Variants in HEG1 observed in about 807,000 individuals in gnomAD.
The protein encoded by HEG1 is protein HEG homolog 1.
HEG1 carries 56 observed loss-of-function variants against 125.6 expected under a neutral mutation model. The ratio of observed to expected loss-of-function variants is 0.45; its 90% confidence interval spans 0.36 to 0.56. HEG1 has a LOEUF of 0.56. Among genes scored for constraint, HEG1 ranks in the 20% least tolerant of loss-of-function variants. HEG1 has a pLI of 0.00. For missense variants in HEG1, 1,523 were observed against 1,670.0 expected (o/e 0.91, Z 1.53); for synonymous variants, 644 against 668.5 (o/e 0.96, Z 0.57).
intron 8 of HEG1, among the ~76,000 whole-genome samples, chr3:125,006,179 G>T (rs576648806): frequency 4.6e-5 from 7 of 152,194 alleles, no homozygotes; most frequent in African/African-American, 1.7e-4. Context: ...TGGGGCTGCC[G>T]ACTCCATGAT....
intron 9 of HEG1, among the ~76,000 whole-genome samples, chr3:125,004,903 A>G (rs1022568137): frequency 6.6e-6 from 1 of 152,180 alleles, no homozygotes; most frequent in African/African-American, 2.4e-5. Context: ...GGAAAGTCAC[A>G]CAGCCTGTTA....
chr3:125,009,519 A>G (rs890953279), intron 8 of HEG1, 186 bp downstream of exon 8: 5 of 468,782 alleles, frequency 1.1e-5, no homozygotes, highest in Non-Finnish European at 1.5e-5. Context: ...CAAAAACATA[A>G]TGCAAAGTAG....
At chr3:125,033,781 G>A (rs185078670) in intron 1 of HEG1, among the ~76,000 whole-genome samples, 4 of 152,318 alleles carry the variant, frequency 2.6e-5, no homozygotes, top group South Asian at 4.1e-4. Flanking sequence ...AGCAGTGGGC[G>A]AGCGAGCATT....
chr3:125,032,373 C>T (rs1937510190), intron 1 of HEG1, among the ~76,000 whole-genome samples: 2 of 152,224 alleles, frequency 1.3e-5, no homozygotes, highest in Non-Finnish European at 2.9e-5. Flanking sequence ...GTTTTTATGC[C>T]TCCTGTTCTG....
chr3:125,048,628 C>T (rs1359034241), intron 1 of HEG1, among the ~76,000 whole-genome samples: 1 of 152,180 alleles, frequency 6.6e-6, no homozygotes, highest in Non-Finnish European at 1.5e-5. Flanking sequence ...ATCCTGCAGG[C>T]CTCATATTCC....
chr3:125,030,344 A>G (rs774612109), intron 1 of HEG1, among the ~76,000 whole-genome samples: 1 of 152,232 alleles, frequency 6.6e-6, no homozygotes, highest in Non-Finnish European at 1.5e-5. Flanking sequence ...TCCAAATTGA[A>G]TTTATCTGAA....
intron 1 of HEG1, among the ~76,000 whole-genome samples, chr3:125,050,783 T>C (rs950862262): frequency 6.6e-6 from 1 of 152,216 alleles, no homozygotes; most frequent in Non-Finnish European, 1.5e-5. Context: ...TAAATATATC[T>C]TGATTTACAA....
Position 125,005,185 on chromosome 3 carries a change from C to G in HEG1, c.3297+80G>C, listed in dbSNP as rs561719572. The G allele has an allele frequency of 4.3e-4, 350 of 814,206 alleles. 1 individual carries two copies. Among genetic ancestry groups the G allele is most frequent in the Non-Finnish European group, 6.1e-4 (303 of 494,620 alleles). The allele number at this position is 814,206 out of a possible 1,614,324, so 50.4% of individuals were successfully genotyped here. A position where few individuals can be genotyped will look rare whatever the true frequency, so the allele number is the denominator to read the frequency against. On this transcript the variant is annotated intron_variant, in intron 9 of 16. Coordinates refer to ENST00000311127, the MANE Select transcript of HEG1 (RefSeq NM_020733.2). ...GAAGAGCCCAGGAGACACAGCTGAC[C>G]GCTAGGCAGTCCCCTCTTGGAATAA...
intron 3 of HEG1, among the ~76,000 whole-genome samples, chr3:125,026,278 G>T (rs1007376568): frequency 2.0e-5 from 3 of 152,182 alleles, no homozygotes; most frequent in Admixed American, 6.5e-5. Context: ...GCTGCACCTT[G>T]TTCTTGGGCG....
chr3:125,041,799 A>G (rs1361675081), intron 1 of HEG1, among the ~76,000 whole-genome samples: 1 of 152,254 alleles, frequency 6.6e-6, no homozygotes, highest in Non-Finnish European at 1.5e-5. Context: ...ACATGCTACA[A>G]CATGGGTAAA....
chr3:125,031,468 C>T (rs1937497124), intron 1 of HEG1, among the ~76,000 whole-genome samples: 1 of 152,184 alleles, frequency 6.6e-6, no homozygotes, highest in Non-Finnish European at 1.5e-5. Context: ...CCTGATAAAA[C>T]CATTTAATTT....
chr3:124,970,746 G>C lies in HEG1; in HGVS notation c.4052C>G (p.Thr1351Ser), dbSNP rs990138256. The change falls in exon 17 of 17, where the codon ACT becomes AGT. Residue 1351 changes from threonine to serine, a missense_variant. By Grantham distance (58) the Thr-to-Ser change is moderately conservative. Transcript: ENST00000311127. Reference sequence around the variant, plus strand: ...AGAATGCCGTGATCCTGGCAGTCCAGTGTAGGCCGGGTAGAGTCCGTTTCG... The same window carrying C: ...AGAATGCCGTGATCCTGGCAGTCCACTGTAGGCCGGGTAGAGTCCGTTTCG... ...LERNGLYPAYTGLPGSRHSCI... is the reference protein window; with the variant it reads ...LERNGLYPAYSGLPGSRHSCI... The C allele has an allele frequency of 3.1e-6, 5 of 1,610,592 alleles. No individual in the cohort carries two copies. The highest frequency in any genetic ancestry group is 3.4e-6 in the Non-Finnish European group (4 of 1,178,570).
At chr3:125,001,742 A>G in intron 11 of HEG1, 110 bp downstream of exon 11, 1 of 1,187,394 alleles carries the variant, frequency 8.4e-7, no homozygotes, top group South Asian at 1.5e-5. Flanking sequence ...TGCCAAAAAT[A>G]GGCTCTGTGA....
chr3:124,997,639 A>G (rs759313557), intron 12 of HEG1, 50 bp downstream of exon 12: 2 of 1,492,414 alleles, frequency 1.3e-6, no homozygotes, highest in East Asian at 2.3e-5. Flanking sequence ...ACAGAGCACC[A>G]GGCAGAGTCC....
At chr3:124,978,065 C>T (rs893682347) in intron 14 of HEG1, 119 bp from the exon 15 acceptor site, 131 of 626,816 alleles carry the variant, frequency 2.1e-4, no homozygotes, top group Non-Finnish European at 3.2e-4. Flanking sequence ...GGTGCCCTCG[C>T]CTACAACTTC....
At chr3:124,976,499 T>A (rs79190743) in intron 15 of HEG1, among the ~76,000 whole-genome samples, 3 of 62,600 alleles carry the variant, frequency 4.8e-5, no homozygotes, top group African/African-American at 3.1e-4. Flanking sequence ...TATTTTCTAT[T>A]TTTTTTTTTT....
At chr3:125,032,214 G>C (rs1247727882) in intron 1 of HEG1, among the ~76,000 whole-genome samples, 1 of 152,184 alleles carries the variant, frequency 6.6e-6, no homozygotes, top group Non-Finnish European at 1.5e-5. Flanking sequence ...CAATGGTTCT[G>C]AACATTTCTC....
intron 1 of HEG1, 48 bp downstream of exon 1, chr3:125,055,527 G>A (rs994258411): frequency 1.8e-6 from 2 of 1,138,318 alleles, no homozygotes; most frequent in African/African-American, 1.6e-5. Context: ...GCGCGCCCAC[G>A]CCCCCAGCAC....
chr3:125,030,602 T>C (rs994874418), intron 1 of HEG1, among the ~76,000 whole-genome samples: 5 of 152,222 alleles, frequency 3.3e-5, no homozygotes, highest in Non-Finnish European at 5.9e-5. Context: ...ACTTTATATG[T>C]AATGATCTCA....
Sources: allele counts gnomAD v4.1 joint callset (sites outside exome capture counted in the v4.1 genomes callset), GRCh38; gene constraint gnomAD v4.1.1; transcripts MANE v1.5; gene names NCBI Gene and HGNC (gene_info 2026-07-23, HGNC 2026-07-21).